The following RASGRP3 variants were observed in gnomAD, a reference collection of about 807,000 sequenced individuals.
RASGRP3 encodes ras guanyl-releasing protein 3.
RASGRP3 carries 54 observed loss-of-function variants against 82.7 expected under a neutral mutation model. That is an observed-to-expected ratio of 0.65 (90% CI 0.52 to 0.82). The LOEUF is 0.82. Ranked by LOEUF, RASGRP3 falls within the 40% of genes least tolerant of loss-of-function variation. The probability of loss-of-function intolerance (pLI) is 0.00; values close to 1 mark genes in which losing one functional copy is unlikely to be tolerated. For missense variants in RASGRP3, 861 were observed against 828.9 expected, an observed-to-expected ratio of 1.04 and a Z score of -0.48; for synonymous variants, 309 against 300.5, an observed-to-expected ratio of 1.03 and a Z score of -0.29.
At chr2:33,540,554 TTTTGTGTG>T (rs1490724132) in intron 12 of RASGRP3, among the ~76,000 whole-genome samples, 1,441 of 26,140 alleles carry the variant, frequency 0.055, 74 homozygotes, top group East Asian at 0.13. Flanking sequence ...TGTGTGTGTG[TTTTGTGTG>T]TGTGTGTGTG....
intron 14 of RASGRP3, among the ~76,000 whole-genome samples, chr2:33,552,089 A>G (rs1435578087): frequency 6.6e-6 from 1 of 152,162 alleles, no homozygotes; most frequent in East Asian, 1.9e-4. Flanking sequence ...CCTCCCTTTT[A>G]CAGAGGCCCT....
At chr2:33,548,360 C>CAAAA (rs775598057) in intron 13 of RASGRP3, among the ~76,000 whole-genome samples, 19 of 78,622 alleles carry the variant, frequency 2.4e-4, no homozygotes, top group East Asian at 1.2e-3. Context: ...GACTCCGTCT[C>CAAAA]AAAAAAAAAA....
chr2:33,454,070 C>T (rs897503), intron 2 of RASGRP3, among the ~76,000 whole-genome samples: 1 of 151,350 alleles, frequency 6.6e-6, no homozygotes, highest in African/African-American at 2.4e-5. Context: ...TTTTTAAAAG[C>T]CATACATAGT....
At chr2:33,453,372 A>G (rs1665894684) in intron 2 of RASGRP3, among the ~76,000 whole-genome samples, 1 of 152,108 alleles carries the variant, frequency 6.6e-6, no homozygotes, top group African/African-American at 2.4e-5. Flanking sequence ...TAGTTGTTCA[A>G]ATTGGTGTTT....
At chr2:33,548,360 C>CAAAAAA (rs775598057) in intron 13 of RASGRP3, among the ~76,000 whole-genome samples, 1 of 78,716 alleles carries the variant, frequency 1.3e-5, no homozygotes, top group Admixed American at 1.6e-4. Flanking sequence ...GACTCCGTCT[C>CAAAAAA]AAAAAAAAAA....
intron 1 of RASGRP3, among the ~76,000 whole-genome samples, chr2:33,479,943 T>C (rs1450625473): frequency 1.3e-5 from 2 of 152,100 alleles, no homozygotes; most frequent in Non-Finnish European, 2.9e-5. Flanking sequence ...AAGTATGCCA[T>C]GTGTGGATGT....
At chr2:33,449,802 T>G in intron 2 of RASGRP3, among the ~76,000 whole-genome samples, 1 of 152,152 alleles carries the variant, frequency 6.6e-6, no homozygotes, top group East Asian at 1.9e-4. Context: ...ATTTATGATA[T>G]ATAGCAAATA....
chr2:33,529,749 C>G (rs1672930001), intron 10 of RASGRP3, among the ~76,000 whole-genome samples: 1 of 152,068 alleles, frequency 6.6e-6, no homozygotes, highest in Non-Finnish European at 1.5e-5. Context: ...ACAGCCTTGA[C>G]TTTGGCTTTT....
intron 16 of RASGRP3, 78 bp downstream of exon 16, chr2:33,558,414 G>C (rs1676258366): frequency 3.7e-6 from 6 of 1,601,320 alleles, no homozygotes; most frequent in Non-Finnish European, 5.1e-6. Flanking sequence ...TTAGGTTCTG[G>C]GTCTAAACCC....
At chr2:33,500,510 C>G (rs1669763204) in intron 1 of RASGRP3, among the ~76,000 whole-genome samples, 1 of 152,058 alleles carries the variant, frequency 6.6e-6, no homozygotes, top group Non-Finnish European at 1.5e-5. Flanking sequence ...GGTGATCAGA[C>G]TTGGGCATGA....
intron 17 of RASGRP3, among the ~76,000 whole-genome samples, chr2:33,561,996 A>T (rs1408495450): frequency 6.6e-6 from 1 of 152,196 alleles, no homozygotes; most frequent in African/African-American, 2.4e-5. Flanking sequence ...GGGTTGGGAA[A>T]TGCTGACTAA....
chr2:33,526,328 G>C (rs1393620885), intron 9 of RASGRP3, among the ~76,000 whole-genome samples: 6 of 152,190 alleles, frequency 3.9e-5, no homozygotes, highest in African/African-American at 1.2e-4. Flanking sequence ...TACTAGAAAG[G>C]TCTGGTTGCT....
At chr2:33,486,690 T>C (rs1384566395) in intron 1 of RASGRP3, among the ~76,000 whole-genome samples, 1 of 152,206 alleles carries the variant, frequency 6.6e-6, no homozygotes, top group Non-Finnish European at 1.5e-5. Flanking sequence ...TATATCAGGA[T>C]GAACCAGGGA....
intron 10 of RASGRP3, 149 bp from the exon 11 acceptor site, chr2:33,534,174 C>T: frequency 1.7e-6 from 1 of 601,106 alleles, no homozygotes; most frequent in South Asian, 2.1e-5. Flanking sequence ...TTTCATTTTC[C>T]ATCTCTGCGT....
At chr2:33,455,970 G>A (rs1666014913) in intron 2 of RASGRP3, among the ~76,000 whole-genome samples, 1 of 152,140 alleles carries the variant, frequency 6.6e-6, no homozygotes, top group Non-Finnish European at 1.5e-5. Flanking sequence ...ACAATTTCAC[G>A]TGCATTTAAT....
At chr2:33,455,733 ACT>A (rs1054749003) in intron 2 of RASGRP3, among the ~76,000 whole-genome samples, 37 of 152,266 alleles carry the variant, frequency 2.4e-4, no homozygotes, top group African/African-American at 8.4e-4. Context: ...AGTTTTGCAG[ACT>A]CTATGAAAGA....
At chr2:33,509,525 C>T (rs752340872) in intron 1 of RASGRP3, among the ~76,000 whole-genome samples, 4 of 152,202 alleles carry the variant, frequency 2.6e-5, no homozygotes, top group East Asian at 1.9e-4. Context: ...CTTCCACTGA[C>T]GTTTTAGTCT....
intron 15 of RASGRP3, among the ~76,000 whole-genome samples, chr2:33,557,954 T>C (rs138959198): frequency 0.01 from 1,577 of 152,242 alleles, 6 homozygotes; most frequent in South Asian, 0.022. Flanking sequence ...CTAGGCACAA[T>C]TGCTCATTAG....
At position 33,523,966 on chromosome 2, in the gene RASGRP3, T is replaced by A. The variant is rs781561676; in HGVS notation, c.604T>A (p.Ser202Thr). ...ERSIALFNGI[S>T]KWVQLMVLSK... ...ATCGATTGCTTTATTTAATGGAATC[T>A]CTAAGTGGGTCCAGTTGATGGTTCT... Residue 202 changes from serine to threonine, a missense_variant, in exon 8 of 18, where the codon TCT (serine) becomes ACT (threonine). By Grantham distance (58) the Ser-to-Thr change is moderately conservative. Transcript: ENST00000403687. 13 of 1,613,844 alleles carry A rather than the reference T, an allele frequency of 8.1e-6. No individual in the cohort carries two copies. Among genetic ancestry groups the A allele is most frequent in the Admixed American group, 6.7e-5 (4 of 60,000 alleles).
Sources: gnomAD v4.1 joint callset for allele counts (sites outside exome capture counted in the v4.1 genomes callset) on GRCh38, gnomAD v4.1.1 for gene constraint, MANE v1.5 for transcripts, NCBI Gene and HGNC (gene_info 2026-07-23, HGNC 2026-07-21) for gene names.